ENKUR: variants seen among roughly 807,000 people sequenced by gnomAD.
ENKUR encodes enkurin.
Under a neutral mutation model 27.6 loss-of-function variants are expected in ENKUR, and 19 were observed. The ratio of observed to expected loss-of-function variants is 0.69; its 90% confidence interval spans 0.48 to 1.01. ENKUR has a LOEUF of 1.01. Ranked by LOEUF, ENKUR falls within the 50% of genes least tolerant of loss-of-function variation. The probability of loss-of-function intolerance (pLI) is 0.00; values close to 1 mark genes in which losing one functional copy is unlikely to be tolerated. For missense variants in ENKUR, 312 were observed against 310.5 expected (o/e 1.00, Z -0.04); for synonymous variants, 117 against 96.9 (o/e 1.21, Z -1.22).
Position 24,984,773 on chromosome 10 carries a change from T to G in ENKUR, c.727A>C (p.Ile243Leu). 1 of 1,613,488 alleles carries G rather than the reference T, an allele frequency of 6.2e-7. No homozygotes were observed. Among genetic ancestry groups the G allele is most frequent in the Non-Finnish European group, 8.5e-7 (1 of 1,179,870 alleles). ...TAAATAATCTTGTGCTTTTCAATTATGCCAATGTCGTGTTCTAGTTGTTTC... is the reference window on the plus strand; with the variant it reads ...TAAATAATCTTGTGCTTTTCAATTAGGCCAATGTCGTGTTCTAGTTGTTTC... ...EMKQLEHDIG[I>L]IEKHKIIYIA... The change falls in exon 5 of 6, where the codon ATA becomes CTA. Residue 243 changes from isoleucine (I) to leucine (L), a missense_variant. Coordinates refer to ENST00000331161, the MANE Select transcript of ENKUR (RefSeq NM_145010.4).
In ENKUR at chr10:24,990,491, G is replaced by A. The variant is rs1328482173; in HGVS notation, c.566C>T (p.Ser189Phe). Residue 189 changes from serine to phenylalanine, a missense_variant, in exon 4 of 6, where the codon TCC becomes TTC. Transcript: ENST00000331161. ...NLKKAAMKRL[S>F]DEEREAVLQG... is the part of the protein sequence containing the mutation. ...CAAAACTGCCTCCCTTTCTTCATCG[G>A]AGAGCCTTTTCATAGCTGCTTTCTT... The A allele has an allele frequency of 5.6e-6, 9 of 1,613,304 alleles. No homozygotes were observed. Among genetic ancestry groups the A allele is most frequent in the South Asian group, 2.2e-5 (2 of 90,824 alleles).
chr10:25,044,804 T>C (rs1317352429), intron 2 of ENKUR, among the ~76,000 whole-genome samples: 1 of 152,238 alleles, frequency 6.6e-6, no homozygotes, highest in Admixed American at 6.5e-5. Context: ...TTGAGTATCC[T>C]TGGAGTCTTG....
intron 1 of ENKUR, among the ~76,000 whole-genome samples, chr10:25,007,910 T>C (rs972596369): frequency 3.3e-5 from 5 of 151,230 alleles, no homozygotes; most frequent in African/African-American, 1.2e-4. Context: ...CACATAGTTT[T>C]CCAGGCCTTC....
intron 4 of ENKUR, among the ~76,000 whole-genome samples, chr10:24,989,121 C>T (rs115061550): frequency 6.6e-6 from 1 of 152,128 alleles, no homozygotes; most frequent in African/African-American, 2.4e-5. Context: ...TTTTCAGCAT[C>T]ATTTAGGTGT....
At chr10:25,036,645 C>T (rs1363595426) in intron 2 of ENKUR, among the ~76,000 whole-genome samples, 1 of 152,172 alleles carries the variant, frequency 6.6e-6, no homozygotes, top group Admixed American at 6.5e-5. Flanking sequence ...GCACACCTAA[C>T]TAGCAGAACA....
At chr10:25,030,323 A>G (rs901609025) in intron 2 of ENKUR, among the ~76,000 whole-genome samples, 2 of 152,184 alleles carry the variant, frequency 1.3e-5, no homozygotes, top group African/African-American at 4.8e-5. Flanking sequence ...TTGTCTAACA[A>G]TGTCTTTATT....
At chr10:25,025,656 AAC>A (rs761779792) in intron 2 of ENKUR, 4 of 591,890 alleles carry the variant, frequency 6.8e-6, no homozygotes, top group Middle Eastern at 4.6e-4. Context: ...GACAAAAGGT[AAC>A]ACAGTGCACG....
chr10:25,023,487 T>C, intron 2 of ENKUR: 3 of 1,614,084 alleles, frequency 1.9e-6, no homozygotes, highest in Non-Finnish European at 2.5e-6. Context: ...ATGTGGATGA[T>C]GATATCCTTG....
chr10:25,051,444 A>G (rs1851185286), intron 2 of ENKUR, among the ~76,000 whole-genome samples: 8 of 152,200 alleles, frequency 5.3e-5, no homozygotes, highest in Admixed American at 3.9e-4. Flanking sequence ...TACAGGAAGC[A>G]TGATGCTGGC....
At chr10:25,020,481 T>A (rs74440391), upstream of ENKUR, among the ~76,000 whole-genome samples, 73 of 152,196 alleles carry the variant, frequency 4.8e-4, no homozygotes, top group African/African-American at 1.8e-3. Context: ...ATGAAAGATT[T>A]ACTGGGCCAG....
intron 4 of ENKUR, among the ~76,000 whole-genome samples, chr10:24,988,085 G>C (rs536516874): frequency 2.0e-5 from 3 of 151,642 alleles, no homozygotes; most frequent in South Asian, 4.2e-4. Context: ...TTAGGTGGGC[G>C]TGGTGGTGCA....
chr10:24,982,721 G>T lies in ENKUR; in HGVS notation c.*1649C>A, dbSNP rs1350806966. Reference sequence around the variant, plus strand: ...TATCCAAGTTTGGGATCCCGTGGTAGGGATCACCTTTCCAGGAACAATGGA... The same window carrying T: ...TATCCAAGTTTGGGATCCCGTGGTATGGATCACCTTTCCAGGAACAATGGA... On this transcript the variant is annotated 3_prime_UTR_variant, in exon 6 of 6. Transcript: ENST00000331161. 2 of 152,192 alleles carry T rather than the reference G, an allele frequency of 1.3e-5. No homozygotes were observed. The highest frequency in any genetic ancestry group is 4.8e-5 in the African/African-American group (2 of 41,436). 9.4% of individuals were successfully genotyped at this position (152,192 alleles called of 1,614,324 possible).
At chr10:25,006,574 G>A (rs1850318978) in intron 1 of ENKUR, among the ~76,000 whole-genome samples, 1 of 152,090 alleles carries the variant, frequency 6.6e-6, no homozygotes, top group Non-Finnish European at 1.5e-5. Flanking sequence ...ATTTCATGTA[G>A]GTCCTCATTT....
intron 2 of ENKUR, chr10:25,023,516 G>A (rs1342240090): frequency 6.2e-7 from 1 of 1,614,100 alleles, no homozygotes; most frequent in Non-Finnish European, 8.5e-7. Flanking sequence ...TGGAATATGA[G>A]TGTGTCTGAA....
rs762116878 is a variant in ENKUR at position 24,995,888 on chromosome 10, C to G, written c.224-19G>C. ...TTTTTTTCTGTTAAATATAACATTTCTTTGTTAATATTAAACTACAAACAC... is the reference window on the plus strand; with the variant it reads ...TTTTTTTCTGTTAAATATAACATTTGTTTGTTAATATTAAACTACAAACAC... On this transcript the variant is annotated intron_variant, in intron 2 of 5. Transcript: ENST00000331161. 3.8e-6 allele frequency: 6 copies of G among 1,578,180 alleles called. No individual in the cohort carries two copies. In the African/African-American group the frequency reaches 8.2e-5, roughly 22 times the overall value.
At chr10:25,040,408 C>G (rs1183281473) in intron 2 of ENKUR, among the ~76,000 whole-genome samples, 1 of 146,746 alleles carries the variant, frequency 6.8e-6, no homozygotes, top group Admixed American at 7.1e-5. Flanking sequence ...GTCTCGCTCT[C>G]TCCCAGGCTG....
At chr10:25,059,510 T>C (rs1400610656) in intron 2 of ENKUR, among the ~76,000 whole-genome samples, 2 of 152,114 alleles carry the variant, frequency 1.3e-5, no homozygotes, top group Non-Finnish European at 2.9e-5. Flanking sequence ...TATGGTAAAG[T>C]AACAAACATC....
At chr10:25,030,263 CTG>C (rs1850920005) in intron 2 of ENKUR, among the ~76,000 whole-genome samples, 2 of 152,134 alleles carry the variant, frequency 1.3e-5, no homozygotes, top group Admixed American at 6.5e-5. Context: ...GTAGCTTCCT[CTG>C]ATAATGTTGT....
At chr10:25,022,085 A>G (rs552508979) in intron 2 of ENKUR, among the ~76,000 whole-genome samples, 3 of 152,278 alleles carry the variant, frequency 2.0e-5, no homozygotes, top group Non-Finnish European at 4.4e-5. Context: ...AACACGTGAT[A>G]AGCCCCACTA....
Sources: allele counts gnomAD v4.1 joint callset (sites outside exome capture counted in the v4.1 genomes callset), GRCh38; gene constraint gnomAD v4.1.1; transcripts MANE v1.5; gene names NCBI Gene and HGNC (gene_info 2026-07-23, HGNC 2026-07-21).